The following PSMD8 variants were observed in gnomAD, a reference collection of about 807,000 sequenced individuals.
PSMD8 encodes 26S proteasome non-ATPase regulatory subunit 8.
Under a neutral mutation model 40.0 loss-of-function variants are expected in PSMD8, and 30 were observed. That is an observed-to-expected ratio of 0.75 (90% CI 0.56 to 1.02). The LOEUF is 1.02. Among genes scored for constraint, PSMD8 ranks in the 50% least tolerant of loss-of-function variants. The pLI is 0.00. For missense variants in PSMD8, 461 were observed against 463.9 expected (o/e 0.99, Z 0.06); for synonymous variants, 208 against 192.5 (o/e 1.08, Z -0.67).
intron 4 of PSMD8, among the ~76,000 whole-genome samples, chr19:38,380,396 G>A (rs1330917153): frequency 6.6e-6 from 1 of 152,228 alleles, no homozygotes; most frequent in East Asian, 1.9e-4. Flanking sequence ...CAAGAAGACA[G>A]TGTTTTTGGA....
At chr19:38,376,483 G>C in intron 3 of PSMD8, 29 bp downstream of exon 3, 1 of 1,517,028 alleles carries the variant, frequency 6.6e-7, no homozygotes, top group East Asian at 2.5e-5. Context: ...CCCAACTGGG[G>C]GGGTGGTTGC....
At chr19:38,375,428 G>A (rs1970590296) in intron 1 of PSMD8, 1 of 192,814 alleles carries the variant, frequency 5.2e-6, no homozygotes, top group African/African-American at 2.4e-5. Flanking sequence ...TGGGATTCGG[G>A]CTTTTCCTGA....
At chr19:38,375,096 G>T in intron 1 of PSMD8, 135 bp downstream of exon 1, 1 of 1,401,526 alleles carries the variant, frequency 7.1e-7, no homozygotes, top group Non-Finnish European at 9.4e-7. Flanking sequence ...GGGATCCGAT[G>T]GGGTGAAAGA....
At position 38,382,225 on chromosome 19, in the gene PSMD8, G is replaced by A. The variant is rs1970646691; in HGVS notation, c.912G>A (p.Lys304=). The A allele has an allele frequency of 6.3e-7, 1 of 1,584,440 alleles. No homozygotes were observed. The highest frequency in any genetic ancestry group is 8.6e-7 in the Non-Finnish European group (1 of 1,165,610). Residue 304 remains lysine (K), a synonymous_variant, in exon 6 of 7, where the codon AAG becomes AAA. Transcript: ENST00000215071. ...NTPKKMTDYA[K]KRGWVLGPNN... is the part of the protein sequence containing the mutation. ...CCAAAAAGATGACAGACTACGCCAA[G>A]AAGGTGGCTGGGGTACAGGGCAAGG...
intron 5 of PSMD8, among the ~76,000 whole-genome samples, chr19:38,381,705 T>C (rs1179048965): frequency 6.6e-6 from 1 of 152,214 alleles, no homozygotes; most frequent in East Asian, 1.9e-4. Context: ...CATGCCTTGC[T>C]CTATTTCTAC....
intron 5 of PSMD8, among the ~76,000 whole-genome samples, chr19:38,381,635 C>T (rs1462815779): frequency 6.6e-6 from 1 of 152,216 alleles, no homozygotes; most frequent in Non-Finnish European, 1.5e-5. Flanking sequence ...ATATTGGAGG[C>T]ACTCCTCCCC....
chr19:38,376,989 A>C (rs143467569), intron 3 of PSMD8, among the ~76,000 whole-genome samples: 2,462 of 152,344 alleles, frequency 0.016, 35 homozygotes, highest in Middle Eastern at 0.065. Context: ...ACTGCCTACC[A>C]CAGGGCCAGG....
Position 38,380,729 on chromosome 19 carries a change from T to C in PSMD8, c.703-170T>C, listed in dbSNP as rs148344675. Among the ~76,000 whole-genome samples the C allele has an allele frequency of 2.2e-3, 323 of 150,140 alleles. 3 individuals are homozygous for C. Among genetic ancestry groups the C allele is most frequent in the South Asian group, 8.8e-3 (41 of 4,680 alleles). ...GAGAGTGTGTGTGTGTGTGTGTGTG[T>C]GCGCATAAACCAGCAAGGGCTTTCT... is the stretch of plus-strand genomic sequence containing the variant. On this transcript the variant is annotated intron_variant, in intron 4 of 6. Transcript: ENST00000215071.
At position 38,374,659 on chromosome 19, in the gene PSMD8, C is replaced by T. The variant is rs751642565; in HGVS notation, c.58C>T (p.Arg20Trp). ...ACCTCGAGAGCGACGGCGGGCTACC[C>T]GGGGCGGGCTGAGGCAGGTTGTAGC... ...APPRERRRATRGGLRQVVAPP... is the reference protein window; with the variant it reads ...APPRERRRATWGGLRQVVAPP... Residue 20 changes from arginine to tryptophan, a missense_variant, in exon 1 of 7, where the codon CGG becomes TGG. Transcript: ENST00000215071. 2 of 1,521,304 alleles carry T rather than the reference C, an allele frequency of 1.3e-6. No homozygotes were observed. Among genetic ancestry groups the T allele is most frequent in the Admixed American group, 2.3e-5 (1 of 43,700 alleles). 94.2% of individuals were successfully genotyped at this position (1,521,304 alleles called of 1,614,324 possible). A position where few individuals can be genotyped will look rare whatever the true frequency, so the allele number is the denominator to read the frequency against.
At position 38,374,577 on chromosome 19, in the gene PSMD8, C is replaced by T. The variant is rs1970579633; in HGVS notation, c.-25C>T. 5.5e-6 allele frequency: 8 copies of T among 1,442,334 alleles called. No homozygotes were observed. Among genetic ancestry groups the T allele is most frequent in the Non-Finnish European group, 7.3e-6 (8 of 1,101,368 alleles). The allele number at this position is 1,442,334 out of a possible 1,614,324, so 89.3% of individuals were successfully genotyped here. ...AACTTCCGGTCACCATCTTGAGTGA[C>T]GACAGAGGCGGAGCTCCAACTGACA... On this transcript the variant is annotated 5_prime_UTR_variant, in exon 1 of 7. The change creates a new upstream start codon in the 5' untranslated region. Coordinates refer to ENST00000215071, the MANE Select transcript of PSMD8 (RefSeq NM_002812.5).
At position 38,383,246 on chromosome 19, in the gene PSMD8, C is replaced by G. The variant is rs966849967; in HGVS notation, c.916-7C>G. The G allele has an allele frequency of 6.2e-7, 1 of 1,612,326 alleles. No individual in the cohort carries two copies. Among genetic ancestry groups the G allele is most frequent in the African/African-American group, 1.3e-5 (1 of 74,846 alleles). ...TCTACTCGTCTCTAATCCCTCCTTT[C>G]CTGCAGCGAGGGTGGGTCCTGGGCC... On this transcript the variant is annotated splice_polypyrimidine_tract_variant and splice_region_variant and intron_variant, in intron 6 of 6. Transcript: ENST00000215071.
At chr19:38,380,476 T>G (rs1006347449) in intron 4 of PSMD8, among the ~76,000 whole-genome samples, 1 of 151,950 alleles carries the variant, frequency 6.6e-6, no homozygotes, top group African/African-American at 2.4e-5. Flanking sequence ...AGCTGACATC[T>G]TATGGGAGGA....
intron 1 of PSMD8, chr19:38,375,514 G>A (rs150130359): frequency 9.9e-5 from 18 of 181,180 alleles, no homozygotes; most frequent in Non-Finnish European, 2.0e-4. Context: ...GAAAAGGTGG[G>A]CTGTGTAGAG....
Position 38,382,205 on chromosome 19 carries a change from A to C in PSMD8, c.892A>C (p.Lys298Gln). 1 of 1,595,294 alleles carries C rather than the reference A, an allele frequency of 6.3e-7. No homozygotes were observed. The highest frequency in any genetic ancestry group is 8.5e-7 in the Non-Finnish European group (1 of 1,171,362). ...GATCCTCTTCTTCAACACACCCAAAAAGATGACAGACTACGCCAAGAAGGT... is the reference window on the plus strand; with the variant it reads ...GATCCTCTTCTTCAACACACCCAAACAGATGACAGACTACGCCAAGAAGGT... Reference protein sequence around the residue: ...TRILFFNTPKKMTDYAKKRGW... With the variant: ...TRILFFNTPKQMTDYAKKRGW... Residue 298 changes from lysine to glutamine, a missense_variant, in exon 6 of 7, where the codon AAG becomes CAG. Lys to Gln is a moderately conservative substitution (Grantham distance 53, BLOSUM62 1). Coordinates refer to ENST00000215071, the MANE Select transcript of PSMD8 (RefSeq NM_002812.5).
rs753908736 is a variant in PSMD8 at position 38,379,371 on chromosome 19, A to G, written c.668A>G (p.Asn223Ser). ...CTGCCTGCCAAGGACATACAGACCA[A>G]TGTCTACATCAAGCACCCAGTGTCC... ...ERLPAKDIQTNVYIKHPVSLE... is the reference protein window; with the variant it reads ...ERLPAKDIQTSVYIKHPVSLE... The change falls in exon 4 of 7, where the codon AAT becomes AGT. Residue 223 changes from asparagine to serine, a missense_variant. Asn to Ser is a conservative substitution (Grantham distance 46, BLOSUM62 1). Transcript: ENST00000215071. 2.2e-5 allele frequency: 35 copies of G among 1,613,868 alleles called. No homozygotes were observed. The highest frequency in any genetic ancestry group is 3.0e-5 in the Non-Finnish European group (35 of 1,179,880).
chr19:38,377,824 G>C (rs943267847), intron 3 of PSMD8, among the ~76,000 whole-genome samples: 2 of 152,044 alleles, frequency 1.3e-5, no homozygotes, highest in East Asian at 1.9e-4. Context: ...ATTTTTAGTA[G>C]AGATGGGGTT....
chr19:38,376,148 C>G lies in PSMD8; in HGVS notation c.361-12C>G. The G allele has an allele frequency of 6.3e-7, 1 of 1,592,746 alleles. No individual in the cohort carries two copies. ...CTTCTTTTCTTTCTTCCCTCCCTCC[C>G]CTCCCCATCAGCTAGTTCTTCTGGA... On this transcript the variant is annotated splice_polypyrimidine_tract_variant and intron_variant, in intron 1 of 6. Transcript: ENST00000215071.
chr19:38,381,452 A>G (rs184548977), intron 5 of PSMD8: 138 of 163,726 alleles, frequency 8.4e-4, no homozygotes, highest in Non-Finnish European at 1.4e-3. Context: ...GATGGATGTG[A>G]CATACAAATC....
In PSMD8 at chr19:38,383,253, C is replaced by A; in HGVS notation, c.916C>A (p.Arg306=). 6.2e-7 allele frequency: 1 copy of A among 1,612,506 alleles called. No individual in the cohort carries two copies. The highest frequency in any genetic ancestry group is 8.5e-7 in the Non-Finnish European group (1 of 1,179,860). ...PKKMTDYAKK[R]GWVLGPNNYY... Reference sequence around the variant, plus strand: ...GTCTCTAATCCCTCCTTTCCTGCAGCGAGGGTGGGTCCTGGGCCCCAACAA... The same window carrying A: ...GTCTCTAATCCCTCCTTTCCTGCAGAGAGGGTGGGTCCTGGGCCCCAACAA... The change falls in exon 7 of 7, where the codon CGA becomes AGA. Residue 306 remains arginine, a splice_region_variant and synonymous_variant. Transcript: ENST00000215071.
Sources: gnomAD v4.1 joint callset for allele counts (sites outside exome capture counted in the v4.1 genomes callset) on GRCh38, gnomAD v4.1.1 for gene constraint, MANE v1.5 for transcripts, NCBI Gene and HGNC (gene_info 2026-07-23, HGNC 2026-07-21) for gene names.